Variants in CTDSPL observed in about 807,000 individuals in gnomAD.
The protein encoded by CTDSPL is CTD small phosphatase like.
A neutral mutation model predicts 30.5 loss-of-function variants in CTDSPL; 8 were observed. That is an observed-to-expected ratio of 0.26 (90% CI 0.15 to 0.47). CTDSPL has a LOEUF of 0.47. CTDSPL is among the 20% of genes least tolerant of loss of function. CTDSPL has a pLI of 0.99. For synonymous variants in CTDSPL, 110 were observed against 137.9 expected (o/e 0.80, Z 1.42); for missense variants, 248 against 366.1 (o/e 0.68, Z 2.63).
Position 37,975,941 on chromosome 3 carries a change from C to T in CTDSPL, c.705+47C>T. ...AAATGTCGTGCTCCATCTGAGCCCT[C>T]TGTCTTGCCAGGCAGGTACCACTTT... is the stretch of plus-strand genomic sequence containing the variant. On this transcript the variant is annotated intron_variant, in intron 7 of 7. Coordinates refer to ENST00000273179, the MANE Select transcript of CTDSPL (RefSeq NM_001008392.2). This position sits in a 1 kb window ranked among gnomAD's most constrained non-coding sequence, Gnocchi z 4.9. The T allele has an allele frequency of 6.3e-7, 1 of 1,583,386 alleles. No homozygotes were observed. Among genetic ancestry groups the T allele is most frequent in the Non-Finnish European group, 8.6e-7 (1 of 1,158,814 alleles).
At chr3:37,869,942 C>T (rs943236521) in intron 1 of CTDSPL, among the ~76,000 whole-genome samples, 5 of 152,120 alleles carry the variant, frequency 3.3e-5, no homozygotes, top group African/African-American at 1.2e-4. Flanking sequence ...AGACTTGCGT[C>T]CATGGAATGA....
intron 4 of CTDSPL, 49 bp downstream of exon 4, chr3:37,964,721 A>C (rs774221420): frequency 2.1e-6 from 3 of 1,403,666 alleles, no homozygotes; most frequent in Non-Finnish European, 3.0e-6. Flanking sequence ...TTTGATAACA[A>C]TTGTATTGGA....
At chr3:37,940,880 G>A (rs62240052) in intron 1 of CTDSPL, among the ~76,000 whole-genome samples, 9,300 of 150,394 alleles carry the variant, frequency 0.062, 773 homozygotes, top group African/African-American at 0.086. Context: ...GGTTCTTGCT[G>A]CTGGGCCAGC....
chr3:37,929,691 T>C (rs1559636627), intron 1 of CTDSPL, among the ~76,000 whole-genome samples: 3 of 152,222 alleles, frequency 2.0e-5, no homozygotes, highest in East Asian at 1.9e-4. Flanking sequence ...GTGGACTCTT[T>C]AGGGTTTCTA....
Position 37,916,478 on chromosome 3 carries a change from AG to A in CTDSPL, c.80-30576del, listed in dbSNP as rs1698648668. 3.9e-5 allele frequency among the ~76,000 whole-genome samples: 6 copies of A among 152,278 alleles called. 1 individual carries two copies. In the South Asian group the frequency reaches 1.2e-3, roughly 32 times the overall value. On this transcript the variant is annotated intron_variant, in intron 1 of 7. Transcript: ENST00000273179. ...AGTTAAGGTAAGGTCGTACTGGAGG[AG>A]GGTGGACCCTTAATCCAGTATGACT...
At chr3:37,875,036 A>G (rs1049791898) in intron 1 of CTDSPL, among the ~76,000 whole-genome samples, 1 of 152,218 alleles carries the variant, frequency 6.6e-6, no homozygotes, top group Non-Finnish European at 1.5e-5. Context: ...ATATTTTCCT[A>G]TATTTAAAAA....
intron 1 of CTDSPL, among the ~76,000 whole-genome samples, chr3:37,930,036 G>A (rs1183341910): frequency 6.6e-6 from 1 of 151,918 alleles, no homozygotes; most frequent in Non-Finnish European, 1.5e-5. Context: ...GAACCGGGAA[G>A]GTGGAGGTTG....
chr3:37,912,984 TTAGA>T (rs369779722), intron 1 of CTDSPL, among the ~76,000 whole-genome samples: 259 of 152,322 alleles, frequency 1.7e-3, no homozygotes, highest in African/African-American at 5.9e-3. Context: ...CTCAGAGATC[TTAGA>T]TAGTTTGATT....
intron 1 of CTDSPL, among the ~76,000 whole-genome samples, chr3:37,909,914 C>G (rs1302134779): frequency 6.6e-5 from 10 of 152,184 alleles, no homozygotes; most frequent in African/African-American, 2.2e-4. Context: ...TGAATGGTAT[C>G]ACACATTCCT....
At chr3:37,948,861 C>A (rs1187518166) in intron 2 of CTDSPL, among the ~76,000 whole-genome samples, 4 of 138,660 alleles carry the variant, frequency 2.9e-5, no homozygotes, top group Non-Finnish European at 6.1e-5. Flanking sequence ...TCGCCCAGGC[C>A]GGACTGCGGA....
rs1425282239 is a variant in CTDSPL, at chr3:37,939,884, G to A, written c.80-7173G>A. Among the ~76,000 whole-genome samples the A allele has an allele frequency of 1.6e-4, 24 of 150,258 alleles. 2 individuals are homozygous for A. Among genetic ancestry groups the A allele is most frequent in the Non-Finnish European group, 3.0e-4 (20 of 67,010 alleles). On this transcript the variant is annotated intron_variant, in intron 1 of 7. Transcript: ENST00000273179. Reference sequence around the variant, plus strand: ...CAAGGCAGATGGATCACAAGGTCAGGAGTTCAAGACCAGCCTGGCCAATAT... The same window carrying A: ...CAAGGCAGATGGATCACAAGGTCAGAAGTTCAAGACCAGCCTGGCCAATAT...
chr3:37,887,391 C>A (rs1254845895), intron 1 of CTDSPL, among the ~76,000 whole-genome samples: 1 of 152,074 alleles, frequency 6.6e-6, no homozygotes, highest in Non-Finnish European at 1.5e-5. Flanking sequence ...AACCCCAGCA[C>A]ATGGAGACCT....
In CTDSPL at chr3:37,975,854, A is replaced by G; in HGVS notation, c.665A>G (p.Asp222Gly). The G allele has an allele frequency of 6.2e-7, 1 of 1,614,166 alleles. No homozygotes were observed. Residue 222 changes from aspartate to glycine, a missense_variant, in exon 7 of 8, where the codon GAC becomes GGC. By Grantham distance (94) the Asp-to-Gly change is moderately conservative. Coordinates refer to ENST00000273179, the MANE Select transcript of CTDSPL (RefSeq NM_001008392.2). This position sits in a 1 kb window ranked among gnomAD's most constrained non-coding sequence, Gnocchi z 4.9. ...GRELSKVIIV[D>G]NSPASYIFHP... is the part of the protein sequence containing the mutation. Reference sequence around the variant, plus strand: ...GAGCTGAGCAAAGTGATCATTGTTGACAATTCCCCTGCCTCATACATCTTC... The same window carrying G: ...GAGCTGAGCAAAGTGATCATTGTTGGCAATTCCCCTGCCTCATACATCTTC...
chr3:37,875,674 C>T (rs985580284), intron 1 of CTDSPL, among the ~76,000 whole-genome samples: 1 of 152,212 alleles, frequency 6.6e-6, no homozygotes, highest in African/African-American at 2.4e-5. Context: ...GTATCTGGCT[C>T]CCTTATGTAC....
At position 37,982,482 on chromosome 3, in the gene CTDSPL, A is replaced by G. The variant is rs1699503424; in HGVS notation, c.*1615A>G. 13 of 454,762 alleles carry G rather than the reference A, an allele frequency of 2.9e-5. No individual in the cohort carries two copies. The highest frequency in any genetic ancestry group is 2.0e-4 in the South Asian group (13 of 64,400). The allele number at this position is 454,762 out of a possible 1,614,324, so 28.2% of individuals were successfully genotyped here. On this transcript the variant is annotated 3_prime_UTR_variant, in exon 8 of 8. Coordinates refer to ENST00000273179, the MANE Select transcript of CTDSPL (RefSeq NM_001008392.2). ...CTCTGTGGGTTGGTCTTCAGCCAGC[A>G]TTCTGGTGGGAGTGACTGGCATTAA...
chr3:37,937,801 C>A (rs1698932808), intron 1 of CTDSPL, among the ~76,000 whole-genome samples: 1 of 150,200 alleles, frequency 6.7e-6, no homozygotes, highest in South Asian at 2.2e-4. Flanking sequence ...AGGGATGTTG[C>A]TAAATTTGGA....
intron 1 of CTDSPL, among the ~76,000 whole-genome samples, chr3:37,895,214 C>A (rs73056989): frequency 0.056 from 8,450 of 152,130 alleles, 290 homozygotes; most frequent in African/African-American, 0.1. Context: ...ATTATTGTTT[C>A]TTTTGTTTTT....
intron 6 of CTDSPL, among the ~76,000 whole-genome samples, chr3:37,972,135 AT>A (rs1403104959): frequency 6.6e-6 from 1 of 152,216 alleles, no homozygotes; most frequent in Non-Finnish European, 1.5e-5. Context: ...TGTGTTCCAC[AT>A]ACTGTGCTGG....
At chr3:37,916,879 G>A (rs185387419) in intron 1 of CTDSPL, among the ~76,000 whole-genome samples, 4 of 152,290 alleles carry the variant, frequency 2.6e-5, no homozygotes, top group South Asian at 2.1e-4. Flanking sequence ...TATGGGATCA[G>A]AGAAACTGAG....
Sources: gnomAD v4.1 joint callset for allele counts (sites outside exome capture counted in the v4.1 genomes callset) on GRCh38, gnomAD v4.1.1 for gene constraint, Gnocchi (gnomAD v3.1) non-coding constraint, MANE v1.5 for transcripts, NCBI Gene and HGNC (gene_info 2026-07-23, HGNC 2026-07-21) for gene names.